Variants in GSDMC observed in about 807,000 individuals in gnomAD.
GSDMC encodes gasdermin C, also known as gasdermin-C.
In GSDMC, 59 loss-of-function variants were observed where a neutral mutation model predicts 58.0. The observed-to-expected ratio is 1.02, with a 90% CI of 0.82 to 1.26. The LOEUF is 1.26. Among genes scored for constraint, GSDMC ranks in the 50% most tolerant of loss-of-function variants. The pLI is 0.00. For missense variants in GSDMC, 659 were observed against 598.5 expected (o/e 1.10, Z -1.06); for synonymous variants, 241 against 220.2 (o/e 1.09, Z -0.83).
At chr8:129,723,737 G>C in the GSDMC span, among the ~76,000 whole-genome samples, 3 of 152,142 alleles carry the variant, frequency 2.0e-5, no homozygotes, top group Non-Finnish European at 4.4e-5. Context: ...CTTGAATCAA[G>C]GGCAGTTGCA....
the GSDMC span, chr8:129,729,321 AT>A: frequency 1.9e-6 from 1 of 525,590 alleles, no homozygotes; most frequent in South Asian, 1.6e-5. Context: ...TTTTTTAATT[AT>A]TATTATACTT....
chr8:129,711,814 C>G, the GSDMC span, among the ~76,000 whole-genome samples: 2 of 152,176 alleles, frequency 1.3e-5, no homozygotes, highest in Non-Finnish European at 2.9e-5. Context: ...ATTAGTTAAC[C>G]TCATTTTATG....
chr8:129,749,652 G>A (rs2130322536), intron 12 of GSDMC, 127 bp from the exon 13 acceptor site: 8 of 732,286 alleles, frequency 1.1e-5, no homozygotes, highest in Non-Finnish European at 1.9e-5. Flanking sequence ...TAGACTTGAA[G>A]GTCAAGCTCC....
chr8:129,708,258 C>G, the GSDMC span, among the ~76,000 whole-genome samples: 1 of 152,206 alleles, frequency 6.6e-6, no homozygotes, highest in East Asian at 1.9e-4. Context: ...GCCAAGGGAA[C>G]AGTTCCTGAA....
At position 129,757,485 on chromosome 8, in the gene GSDMC, T is replaced by C; in HGVS notation, c.721+3060A>G. ...TCTACCAAATATTTAAAGTAAAATA[T>C]GAATACTAGTCCTACTCAAACTACT... On this transcript the variant is annotated intron_variant, in intron 6 of 13. Transcript: ENST00000276708. Among the ~76,000 whole-genome samples, 2 of 151,942 alleles carry C rather than the reference T, an allele frequency of 1.3e-5. 1 individual carries two copies. Among genetic ancestry groups the C allele is most frequent in the Non-Finnish European group, 2.9e-5 (2 of 67,966 alleles).
intron 2 of GSDMC, among the ~76,000 whole-genome samples, 164 bp downstream of exon 2, chr8:129,777,204 G>A (rs143002841): frequency 0.014 from 2,165 of 152,204 alleles, 61 homozygotes; most frequent in African/African-American, 0.049. Context: ...CCAGATAATT[G>A]GTAGGATTCT....
At chr8:129,773,807 G>A (rs571418659) in intron 3 of GSDMC, among the ~76,000 whole-genome samples, 17 of 147,446 alleles carry the variant, frequency 1.2e-4, no homozygotes, top group African/African-American at 2.2e-4. Context: ...AAAAAAGTCC[G>A]TTTATAATAG....
chr8:129,765,788 A>G lies in GSDMC; in HGVS notation c.410T>C (p.Leu137Pro). 6.2e-7 allele frequency: 1 copy of G among 1,613,132 alleles called. No homozygotes were observed. ...CAGAAATGATGGCTCTGGATCCAAC[A>G]GTTTCCTGGGGATTTAAGGAAGGAG... ...PNLEDFQKRK[L>P]LDPEPSFLKE... Residue 137 changes from leucine (L) to proline (P), a missense_variant, in exon 4 of 14, where the codon CTG (leucine) becomes CCG (proline). Physicochemically the swap from Leu to Pro is moderately conservative, Grantham distance 98. Coordinates refer to ENST00000276708, the MANE Select transcript of GSDMC (RefSeq NM_031415.3).
At chr8:129,723,232 GT>G in the GSDMC span, among the ~76,000 whole-genome samples, 15,718 of 151,660 alleles carry the variant, frequency 0.1, 1,234 homozygotes, top group African/African-American at 0.21. Flanking sequence ...GCATCTAGCA[GT>G]TTTTTTGTTT....
intron 3 of GSDMC, 88 bp downstream of exon 3, chr8:129,776,014 A>G (rs1003443762): frequency 9.5e-7 from 1 of 1,055,318 alleles, no homozygotes; most frequent in Middle Eastern, 2.9e-4. Context: ...CATCCCTACA[A>G]CAAGACTTGC....
At chr8:129,768,881 A>T (rs2033955834) in intron 3 of GSDMC, among the ~76,000 whole-genome samples, 1 of 152,170 alleles carries the variant, frequency 6.6e-6, no homozygotes, top group Non-Finnish European at 1.5e-5. Flanking sequence ...GGAGTTCAAA[A>T]CCAGTCTGAG....
At chr8:129,713,728 C>T in the GSDMC span, among the ~76,000 whole-genome samples, 2 of 152,042 alleles carry the variant, frequency 1.3e-5, no homozygotes, top group African/African-American at 4.8e-5. Flanking sequence ...AAACAGCCTG[C>T]CCCCACCATC....
At chr8:129,732,917 C>T in the GSDMC span, among the ~76,000 whole-genome samples, 6 of 152,178 alleles carry the variant, frequency 3.9e-5, no homozygotes, top group South Asian at 2.1e-4. Context: ...CAAGGGAAGC[C>T]GTGACAGACT....
At chr8:129,781,749 C>CAAAA (rs60219315) in intron 1 of GSDMC, among the ~76,000 whole-genome samples, 2 of 128,972 alleles carry the variant, frequency 1.6e-5, no homozygotes. Context: ...GACTCCATCT[C>CAAAA]AAAAAAAAAA....
chr8:129,784,892 A>AT (rs2034514587), intron 1 of GSDMC, among the ~76,000 whole-genome samples: 1 of 152,238 alleles, frequency 6.6e-6, no homozygotes, highest in African/African-American at 2.4e-5. Context: ...GTACATATAC[A>AT]TAACAGAGTA....
the GSDMC span, among the ~76,000 whole-genome samples, chr8:129,739,719 T>C: frequency 2.6e-5 from 4 of 152,248 alleles, no homozygotes. Flanking sequence ...GCACACACAG[T>C]TATCTATAAT....
At chr8:129,720,210 G>T in the GSDMC span, among the ~76,000 whole-genome samples, 1 of 152,130 alleles carries the variant, frequency 6.6e-6, no homozygotes, top group Admixed American at 6.6e-5. Flanking sequence ...ATACAAATCA[G>T]ATACCCTCAC....
chr8:129,781,570 C>G (rs1299679637), intron 1 of GSDMC, among the ~76,000 whole-genome samples: 1 of 152,098 alleles, frequency 6.6e-6, no homozygotes, highest in African/African-American at 2.4e-5. Flanking sequence ...CGGTGAAACC[C>G]TGTCTCTATT....
chr8:129,777,546 T>G lies in GSDMC; in HGVS notation c.42A>C (p.Lys14Asn). 6.2e-7 allele frequency: 1 copy of G among 1,612,916 alleles called. No homozygotes were observed. ...GTGTCAGGTCTTTGCTTCCAATCTCTTTGACCAAATTTTTGCTAATGCGTT... is the reference window on the plus strand; with the variant it reads ...GTGTCAGGTCTTTGCTTCCAATCTCGTTGACCAAATTTTTGCTAATGCGTT... ...MLERISKNLV[K>N]EIGSKDLTPV... The change falls in exon 2 of 14, where the codon AAA becomes AAC. Residue 14 changes from lysine (K) to asparagine (N), a missense_variant. Coordinates refer to ENST00000276708, the MANE Select transcript of GSDMC (RefSeq NM_031415.3).
Sources: gnomAD v4.1 joint callset for allele counts (sites outside exome capture counted in the v4.1 genomes callset) on GRCh38, gnomAD v4.1.1 for gene constraint, MANE v1.5 for transcripts, NCBI Gene and HGNC (gene_info 2026-07-23, HGNC 2026-07-21) for gene names.